The following ZNRF1 variants were observed in gnomAD, a reference collection of about 807,000 sequenced individuals.
The protein encoded by ZNRF1 is E3 ubiquitin-protein ligase ZNRF1.
In ZNRF1, 3 loss-of-function variants were observed where a neutral mutation model predicts 18.4. That is an observed-to-expected ratio of 0.16 (90% CI 0.07 to 0.42). The LOEUF is 0.42. Among genes scored for constraint, ZNRF1 ranks in the 10% least tolerant of loss-of-function variants. ZNRF1 has a pLI of 0.99. For synonymous variants in ZNRF1, 157 were observed against 144.2 expected (o/e 1.09, Z -0.64); for missense variants, 310 against 329.8 (o/e 0.94, Z 0.47).
chr16:75,065,918 C>T (rs966765944), intron 1 of ZNRF1, among the ~76,000 whole-genome samples: 7 of 152,186 alleles, frequency 4.6e-5, no homozygotes, highest in African/African-American at 1.2e-4. Flanking sequence ...CGCTGCTGCT[C>T]CTCTCTCAGG....
Position 74,999,906 on chromosome 16 carries a change from ACCGGCGACTCCGAGAGGGCGC to A in ZNRF1, c.242_262del (p.Asp81_Gly87del). On this transcript the variant is annotated inframe_deletion, in exon 1 of 5. Transcript: ENST00000335325. ...CCTCTACACCCCCGCCTCCCGGGGC[ACCGGCGACTCCGAGAGGGCGC>A]CCGGCGGCGGAGGGTCTGCGTCCGA... The A allele has an allele frequency of 6.5e-7, 1 of 1,547,832 alleles. No homozygotes were observed. Among genetic ancestry groups the A allele is most frequent in the Non-Finnish European group, 8.7e-7 (1 of 1,148,962 alleles).
intron 1 of ZNRF1, chr16:75,046,629 A>T (rs4491556): frequency 2.6e-5 from 4 of 152,130 alleles, no homozygotes; most frequent in Non-Finnish European, 5.9e-5. Flanking sequence ...AGGCTGGAGC[A>T]CAGTGGCGCG....
chr16:75,077,914 G>A (rs1011387109), intron 1 of ZNRF1, among the ~76,000 whole-genome samples: 1 of 152,180 alleles, frequency 6.6e-6, no homozygotes, highest in African/African-American at 2.4e-5. Flanking sequence ...TAATAAAGAT[G>A]CTGTGATTAC....
intron 1 of ZNRF1, chr16:75,084,422 C>G (rs1226761602): frequency 6.6e-6 from 1 of 152,154 alleles, no homozygotes; most frequent in African/African-American, 2.4e-5. Context: ...CGTTTCTGAA[C>G]TCTTAGGATG....
intron 1 of ZNRF1, among the ~76,000 whole-genome samples, chr16:75,069,448 C>G (rs2035843580): frequency 6.6e-6 from 1 of 152,164 alleles, no homozygotes; most frequent in African/African-American, 2.4e-5. Flanking sequence ...GAGTCTTGCT[C>G]TATTGCCCAG....
At chr16:75,087,721 G>A (rs754365153) in intron 1 of ZNRF1, among the ~76,000 whole-genome samples, 38 of 152,266 alleles carry the variant, frequency 2.5e-4, no homozygotes, top group Admixed American at 1.6e-3. Flanking sequence ...CAAGGAACCC[G>A]GGGTACGTTC....
chr16:75,080,936 G>T (rs530819355), intron 1 of ZNRF1, among the ~76,000 whole-genome samples: 478 of 152,214 alleles, frequency 3.1e-3, no homozygotes, highest in Non-Finnish European at 5.5e-3. Context: ...TACTTTGGGA[G>T]GCCAAGGTGG....
chr16:75,067,249 C>A (rs543739797), intron 1 of ZNRF1, among the ~76,000 whole-genome samples: 3 of 152,322 alleles, frequency 2.0e-5, no homozygotes, highest in African/African-American at 7.2e-5. Flanking sequence ...AAGTAGAAGC[C>A]ATTTTGCCTT....
At chr16:75,049,970 T>C (rs1238730004) in intron 1 of ZNRF1, among the ~76,000 whole-genome samples, 1 of 152,102 alleles carries the variant, frequency 6.6e-6, no homozygotes, top group African/African-American at 2.4e-5. Context: ...CTGCCCATTA[T>C]AGTCATACCC....
intron 1 of ZNRF1, among the ~76,000 whole-genome samples, chr16:75,027,366 T>C (rs1194025539): frequency 6.6e-6 from 1 of 152,224 alleles, no homozygotes; most frequent in Non-Finnish European, 1.5e-5. Flanking sequence ...AAAATTGAAT[T>C]GTGGGAATCC....
In ZNRF1 at chr16:75,050,329, C is replaced by T. The variant is rs559195414; in HGVS notation, c.425-43243C>T. On this transcript the variant is annotated intron_variant, in intron 1 of 4. Transcript: ENST00000335325. ...TTGCTTGACCCCAGGAATTCGAGAC[C>T]ATACTGGGCAACATGGCAAAACCCT... Among the ~76,000 whole-genome samples the T allele has an allele frequency of 2.0e-5, 3 of 152,108 alleles. No homozygotes were observed. In the South Asian group the frequency reaches 6.2e-4, roughly 32 times the overall value.
intron 1 of ZNRF1, among the ~76,000 whole-genome samples, chr16:75,063,588 C>T (rs980086339): frequency 2.0e-5 from 3 of 152,172 alleles, no homozygotes; most frequent in Non-Finnish European, 4.4e-5. Context: ...TTGATCTACT[C>T]TTAAAAGTAT....
At chr16:75,086,118 C>A (rs906310187) in intron 1 of ZNRF1, among the ~76,000 whole-genome samples, 1 of 152,078 alleles carries the variant, frequency 6.6e-6, no homozygotes, top group Non-Finnish European at 1.5e-5. Context: ...TTGGATGAGG[C>A]CTGCTCACCT....
chr16:75,013,771 A>C (rs1454269099), intron 1 of ZNRF1, among the ~76,000 whole-genome samples: 1 of 151,802 alleles, frequency 6.6e-6, no homozygotes, highest in Non-Finnish European at 1.5e-5. Context: ...TAGCTGTGTG[A>C]CTCTGAAAAT....
In ZNRF1 at chr16:75,015,310, T is replaced by C. The variant is rs372330462; in HGVS notation, c.424+15215T>C. Among the ~76,000 whole-genome samples the C allele has an allele frequency of 2.0e-5, 3 of 152,218 alleles. No individual in the cohort carries two copies. The South Asian group carries it at 6.2e-4, about 32-fold the overall frequency. On this transcript the variant is annotated intron_variant, in intron 1 of 4. Coordinates refer to ENST00000335325, the MANE Select transcript of ZNRF1 (RefSeq NM_032268.5). ...AATCCATGGGTAATTAAAAAAAAGG[T>C]TTATTGGCCGGGCGAGGTAGCTCAT... is the stretch of plus-strand genomic sequence containing the variant.
At chr16:75,001,184 T>G (rs1411495400) in intron 1 of ZNRF1, among the ~76,000 whole-genome samples, 1 of 152,216 alleles carries the variant, frequency 6.6e-6, no homozygotes. Context: ...AGATTGCTCC[T>G]GCCTTTAGGG....
intron 1 of ZNRF1, chr16:75,046,976 G>A (rs1028987846): frequency 6.6e-6 from 1 of 152,122 alleles, no homozygotes; most frequent in Non-Finnish European, 1.5e-5. Flanking sequence ...TTATTTCTGT[G>A]GATTTCTCTG....
At chr16:75,099,864 A>C (rs2036236556) in intron 2 of ZNRF1, among the ~76,000 whole-genome samples, 1 of 152,204 alleles carries the variant, frequency 6.6e-6, no homozygotes, top group Non-Finnish European at 1.5e-5. Flanking sequence ...GGCAAGCATC[A>C]GCTTCAGCCA....
intron 1 of ZNRF1, among the ~76,000 whole-genome samples, chr16:75,051,254 C>T (rs913292628): frequency 6.6e-6 from 1 of 151,944 alleles, no homozygotes; most frequent in Admixed American, 6.6e-5. Flanking sequence ...GTCGCCTAGT[C>T]TGGAGTGCAG....
Sources: gnomAD v4.1 joint callset for allele counts (sites outside exome capture counted in the v4.1 genomes callset) on GRCh38, gnomAD v4.1.1 for gene constraint, MANE v1.5 for transcripts, NCBI Gene and HGNC (gene_info 2026-07-23, HGNC 2026-07-21) for gene names.